HCN1: variants seen among roughly 807,000 people sequenced by gnomAD.
HCN1 encodes potassium/sodium hyperpolarization-activated cyclic nucleotide-gated channel 1.
HCN1 carries 13 observed loss-of-function variants against 78.9 expected under a neutral mutation model. The ratio of observed to expected loss-of-function variants is 0.16; its 90% confidence interval spans 0.11 to 0.26. The LOEUF is 0.26. Among genes scored for constraint, HCN1 ranks in the 10% least tolerant of loss-of-function variants. The pLI is 1.00. For synonymous variants in HCN1, 552 were observed against 455.5 expected, an observed-to-expected ratio of 1.21 and a Z score of -2.70; for missense variants, 810 against 1,154.3, an observed-to-expected ratio of 0.70 and a Z score of 4.32.
chr5:45,646,365 TTC>T (rs1368167478), intron 1 of HCN1, among the ~76,000 whole-genome samples: 3 of 139,006 alleles, frequency 2.2e-5, no homozygotes, highest in Non-Finnish European at 4.6e-5. Context: ...CTTTCTTTCT[TTC>T]TTTTTTTTTT....
intron 2 of HCN1, among the ~76,000 whole-genome samples, chr5:45,591,170 T>TA (rs1187254931): frequency 2.6e-5 from 4 of 152,186 alleles, no homozygotes; most frequent in African/African-American, 9.7e-5. Flanking sequence ...TCCATTCACC[T>TA]ACTGAAGGAC....
At chr5:45,691,949 T>C (rs1739922513) in intron 1 of HCN1, among the ~76,000 whole-genome samples, 1 of 152,070 alleles carries the variant, frequency 6.6e-6, no homozygotes, top group African/African-American at 2.4e-5. Flanking sequence ...TTTCACACAC[T>C]CATACTAATG....
At chr5:45,492,422 T>A (rs928582034) in intron 2 of HCN1, among the ~76,000 whole-genome samples, 19 of 135,792 alleles carry the variant, frequency 1.4e-4, no homozygotes, top group Non-Finnish European at 2.1e-4. Flanking sequence ...TATATATATA[T>A]AAAATTTGAA....
At chr5:45,627,759 T>TTTA (rs1172048796) in intron 2 of HCN1, among the ~76,000 whole-genome samples, 1 of 152,202 alleles carries the variant, frequency 6.6e-6, no homozygotes. Context: ...GAATACTATG[T>TTTA]TTAACTTCAG....
chr5:45,516,471 A>C (rs1432804001), intron 2 of HCN1, among the ~76,000 whole-genome samples: 1 of 151,998 alleles, frequency 6.6e-6, no homozygotes, highest in East Asian at 1.9e-4. Context: ...TCCTTTCAGT[A>C]GTTCTTTGGA....
In HCN1 at chr5:45,555,755, C is replaced by T. The variant is rs193150925; in HGVS notation, c.849+89430G>A. Among the ~76,000 whole-genome samples, 222 of 151,152 alleles carry T rather than the reference C, an allele frequency of 1.5e-3. 1 individual carries two copies. Among genetic ancestry groups the T allele is most frequent in the Admixed American group, 3.1e-3 (47 of 15,100 alleles). ...ACACAGAGACACTAGCCAAAACCATCCTGAGCAAAAAGAACAAAACTGGAG... is the reference window on the plus strand; with the variant it reads ...ACACAGAGACACTAGCCAAAACCATTCTGAGCAAAAAGAACAAAACTGGAG... On this transcript the variant is annotated intron_variant, in intron 2 of 7. Transcript: ENST00000303230.
At chr5:45,347,968 C>T (rs1441394166) in intron 5 of HCN1, among the ~76,000 whole-genome samples, 1 of 152,130 alleles carries the variant, frequency 6.6e-6, no homozygotes, top group Admixed American at 6.6e-5. Context: ...AGAACTTCCC[C>T]AATCTAGCAA....
intron 3 of HCN1, among the ~76,000 whole-genome samples, chr5:45,429,200 C>T (rs1162128962): frequency 1.3e-5 from 2 of 152,142 alleles, no homozygotes; most frequent in Non-Finnish European, 2.9e-5. Flanking sequence ...GATTTTGTCT[C>T]AATAGCCACC....
chr5:45,276,743 G>C (rs1745068009), intron 6 of HCN1, among the ~76,000 whole-genome samples: 1 of 152,018 alleles, frequency 6.6e-6, no homozygotes, highest in Admixed American at 6.6e-5. Flanking sequence ...ACCTACTAGA[G>C]ACTTTATGTA....
At chr5:45,267,564 T>C (rs1422090381) in intron 6 of HCN1, among the ~76,000 whole-genome samples, 2 of 151,430 alleles carry the variant, frequency 1.3e-5, no homozygotes, top group African/African-American at 2.4e-5. Context: ...GGTCAAGAGA[T>C]CGAGACCATC....
At chr5:45,522,502 A>G (rs1303113995) in intron 2 of HCN1, among the ~76,000 whole-genome samples, 4 of 152,058 alleles carry the variant, frequency 2.6e-5, no homozygotes, top group Non-Finnish European at 4.4e-5. Context: ...TTAGAAGGAA[A>G]TGTAATTTGA....
chr5:45,392,715 G>A (rs1045916125), intron 4 of HCN1, among the ~76,000 whole-genome samples: 3 of 151,672 alleles, frequency 2.0e-5, no homozygotes, highest in East Asian at 1.9e-4. Context: ...GAACTCGGGA[G>A]GTGCAGATTA....
chr5:45,528,336 T>A (rs938065307), intron 2 of HCN1, among the ~76,000 whole-genome samples: 1 of 151,956 alleles, frequency 6.6e-6, no homozygotes, highest in Non-Finnish European at 1.5e-5. Flanking sequence ...ATTTCATATA[T>A]TTAGTGTTTT....
intron 5 of HCN1, among the ~76,000 whole-genome samples, chr5:45,316,494 AAACTGGCACAAG>A (rs1745996029): frequency 6.6e-6 from 1 of 152,194 alleles, no homozygotes; most frequent in Non-Finnish European, 1.5e-5. Flanking sequence ...TTCCCTTTGA[AAACTGGCACAAG>A]ACAGGGATGC....
At chr5:45,404,674 C>G (rs1206146979) in intron 3 of HCN1, among the ~76,000 whole-genome samples, 3 of 103,036 alleles carry the variant, frequency 2.9e-5, no homozygotes, top group Non-Finnish European at 5.2e-5. Flanking sequence ...TTTAGGGAGT[C>G]AGGATGAAGG....
chr5:45,640,254 AC>A (rs1452395360), intron 2 of HCN1, among the ~76,000 whole-genome samples: 1 of 152,106 alleles, frequency 6.6e-6, no homozygotes, highest in Non-Finnish European at 1.5e-5. Context: ...AAGAACGGAT[AC>A]TCTCTTATTA....
At chr5:45,353,834 G>A (rs1746960116) in intron 4 of HCN1, among the ~76,000 whole-genome samples, 1 of 151,834 alleles carries the variant, frequency 6.6e-6, no homozygotes, top group Admixed American at 6.6e-5. Context: ...AGAATATCAC[G>A]GTGAGACTAG....
intron 6 of HCN1, among the ~76,000 whole-genome samples, chr5:45,296,404 AT>A (rs1338095432): frequency 1.3e-5 from 2 of 151,968 alleles, no homozygotes; most frequent in Non-Finnish European, 2.9e-5. Flanking sequence ...CTCAGATAAT[AT>A]TAAAAAAATG....
chr5:45,411,398 A>T (rs1360850640), intron 3 of HCN1, among the ~76,000 whole-genome samples: 2 of 151,762 alleles, frequency 1.3e-5, no homozygotes. Context: ...AGACTAAACC[A>T]ATGGTGATTC....
Sources: gnomAD v4.1 joint callset for allele counts (sites outside exome capture counted in the v4.1 genomes callset) on GRCh38, gnomAD v4.1.1 for gene constraint, MANE v1.5 for transcripts, NCBI Gene and HGNC (gene_info 2026-07-23, HGNC 2026-07-21) for gene names.